Variants in SP2 observed in about 807,000 individuals in gnomAD.
The protein encoded by SP2 is Sp2 transcription factor.
A neutral mutation model predicts 50.1 loss-of-function variants in SP2; 9 were observed. The observed-to-expected ratio is 0.18, with a 90% CI of 0.11 to 0.31. The LOEUF (loss-of-function observed/expected upper bound fraction) is 0.31. Ranked by LOEUF, SP2 falls within the 10% of genes least tolerant of loss-of-function variation. The pLI is 1.00. For missense variants in SP2, 581 were observed against 806.5 expected (o/e 0.72, Z 3.39); for synonymous variants, 313 against 326.6 (o/e 0.96, Z 0.45).
At position 47,927,699 on chromosome 17, in the gene SP2, G is replaced by C. The variant is rs370449186; in HGVS notation, c.1742-25G>C. On this transcript the variant is annotated intron_variant, in intron 6 of 6. Transcript: ENST00000376741. Reference sequence around the variant, plus strand: ...ACAGGGTCTGTGCACAGGGTCTGTGGGTGATGGGCATCTCCTCTTCCCAGG... The same window carrying C: ...ACAGGGTCTGTGCACAGGGTCTGTGCGTGATGGGCATCTCCTCTTCCCAGG... 5.6e-5 allele frequency: 85 copies of C among 1,509,510 alleles called. 1 individual carries two copies. In the African/African-American group the frequency reaches 1.0e-3, roughly 18 times the overall value. 93.5% of individuals were successfully genotyped at this position (1,509,510 alleles called of 1,614,324 possible).
chr17:47,923,026 C>T lies in SP2; in HGVS notation c.1124C>T (p.Thr375Ile), dbSNP rs1454541832. The T allele has an allele frequency of 6.2e-7, 1 of 1,614,208 alleles. No individual in the cohort carries two copies. The highest frequency in any genetic ancestry group is 1.1e-5 in the South Asian group (1 of 91,086). ...TVLVQDSPPA[T>I]AAATSNTTCS... Reference sequence around the variant, plus strand: ...CTTGTCCAGGACAGCCCCCCAGCAACAGCTGCAGCCACCTCTAACACCACC... The same window carrying T: ...CTTGTCCAGGACAGCCCCCCAGCAATAGCTGCAGCCACCTCTAACACCACC... Residue 375 changes from threonine to isoleucine, a missense_variant, in exon 4 of 7, where the codon ACA becomes ATA. Physicochemically the swap from Thr to Ile is moderately conservative, Grantham distance 89. Around this residue, in one of 2 missense-constraint regions of SP2, gnomAD observed 397 missense variants for 491.0 expected, o/e 0.81. Transcript: ENST00000376741.
chr17:47,915,424 C>T (rs766802440), intron 2 of SP2, 36 bp downstream of exon 2: 2 of 1,446,222 alleles, frequency 1.4e-6, no homozygotes, highest in Admixed American at 1.7e-5. Context: ...CTTGGGGCTG[C>T]AGCATCCTGG....
Position 47,925,559 on chromosome 17 carries a change from G to C in SP2, c.1741+18G>C. 6.2e-7 allele frequency: 1 copy of C among 1,603,292 alleles called. No homozygotes were observed. The highest frequency in any genetic ancestry group is 8.5e-7 in the Non-Finnish European group (1 of 1,172,586). ...CCACACAGGTCAGCCCCCTGCCTTC[G>C]GGACCCTCCACCCACAGAGGTCAAA... On this transcript the variant is annotated intron_variant, in intron 6 of 6. Transcript: ENST00000376741.
intron 1 of SP2, among the ~76,000 whole-genome samples, chr17:47,904,009 T>C (rs1338548636): frequency 1.3e-4 from 19 of 149,574 alleles, no homozygotes; most frequent in African/African-American, 4.7e-4. Context: ...ATGCCTGTAA[T>C]CCTAGCACTT....
chr17:47,901,730 A>G, intron 1 of SP2, among the ~76,000 whole-genome samples: 1 of 152,130 alleles, frequency 6.6e-6, no homozygotes, highest in East Asian at 1.9e-4. Context: ...TGGGTCAGCT[A>G]AACCCAGCTG....
intron 1 of SP2, among the ~76,000 whole-genome samples, chr17:47,906,527 G>T (rs548174676): frequency 6.6e-6 from 1 of 152,326 alleles, no homozygotes; most frequent in East Asian, 1.9e-4. Context: ...GTCCAGAAAG[G>T]CCTCTCTGAG....
intron 6 of SP2, 98 bp from the exon 7 acceptor site, chr17:47,927,626 C>A: frequency 1.4e-6 from 1 of 707,888 alleles, no homozygotes; most frequent in Non-Finnish European, 2.5e-6. Flanking sequence ...AAGGCCATGT[C>A]AGCTTGATTG....
Position 47,898,498 on chromosome 17 carries a change from C to T in SP2, c.7+2205C>T, listed in dbSNP as rs993704531. The T allele has an allele frequency of 3.9e-5, 6 of 152,324 alleles. No homozygotes were observed. The South Asian group carries it at 6.2e-4, about 16-fold the overall frequency. The allele number at this position is 152,324 out of a possible 1,614,324, so 9.4% of individuals were successfully genotyped here. A position where few individuals can be genotyped will look rare whatever the true frequency, so the allele number is the denominator to read the frequency against. On this transcript the variant is annotated intron_variant, in intron 1 of 6. Coordinates refer to ENST00000376741, the MANE Select transcript of SP2 (RefSeq NM_003110.6). ...GACATTTTAAACTTGTTGCAGCCAA[C>T]CAGTAGACCTTAGTATTGGCTTGGT...
chr17:47,925,568 C>T, intron 6 of SP2, 27 bp downstream of exon 6: 1 of 1,592,698 alleles, frequency 6.3e-7, no homozygotes, highest in Non-Finnish European at 8.6e-7. Flanking sequence ...CGGGACCCTC[C>T]ACCCACAGAG....
At position 47,928,096 on chromosome 17, in the gene SP2, GC is replaced by G. The variant is rs2035721156; in HGVS notation, c.*273del. ...CCAATGAGACGTTCTAAACCAGGACGCGTGGGAACCCTTATTTCCAAAGGAA... is the reference window on the plus strand; with the variant it reads ...CCAATGAGACGTTCTAAACCAGGACGGTGGGAACCCTTATTTCCAAAGGAA... On this transcript the variant is annotated 3_prime_UTR_variant, in exon 7 of 7. Coordinates refer to ENST00000376741, the MANE Select transcript of SP2 (RefSeq NM_003110.6). 1 of 390,112 alleles carries G rather than the reference GC, an allele frequency of 2.6e-6. No homozygotes were observed. Among genetic ancestry groups the G allele is most frequent in the Non-Finnish European group, 4.7e-6 (1 of 212,668 alleles). 24.2% of individuals were successfully genotyped at this position (390,112 alleles called of 1,614,324 possible). A position where few individuals can be genotyped will look rare whatever the true frequency, so the allele number is the denominator to read the frequency against.
At chr17:47,924,213 G>A (rs947475473) in intron 4 of SP2, among the ~76,000 whole-genome samples, 5 of 151,942 alleles carry the variant, frequency 3.3e-5, no homozygotes, top group African/African-American at 4.8e-5. Context: ...TCATGACAAT[G>A]CAGCCTCAGC....
intron 3 of SP2, among the ~76,000 whole-genome samples, chr17:47,921,767 G>C (rs2035466913): frequency 6.6e-6 from 1 of 152,216 alleles, no homozygotes; most frequent in Non-Finnish European, 1.5e-5. Flanking sequence ...TCTCCAAGGA[G>C]CCTGGGTTCC....
intron 1 of SP2, chr17:47,898,500 A>G (rs910592720): frequency 3.9e-5 from 6 of 152,368 alleles, no homozygotes; most frequent in African/African-American, 7.2e-5. Flanking sequence ...GCAGCCAACC[A>G]GTAGACCTTA....
chr17:47,912,244 T>C (rs1230228498), intron 1 of SP2, among the ~76,000 whole-genome samples: 1 of 152,198 alleles, frequency 6.6e-6, no homozygotes, highest in African/African-American at 2.4e-5. Flanking sequence ...AATCAGTGCC[T>C]GTAATATTAC....
chr17:47,908,458 C>G (rs532730953), intron 1 of SP2: 1 of 152,314 alleles, frequency 6.6e-6, no homozygotes, highest in Admixed American at 6.5e-5. Flanking sequence ...CTGCCAGCAA[C>G]AAACTCATCT....
At chr17:47,896,316 G>A in intron 1 of SP2, 23 bp downstream of exon 1, 1 of 1,236,700 alleles carries the variant, frequency 8.1e-7, no homozygotes, top group Non-Finnish European at 1.0e-6. Context: ...CGCTGCCGGC[G>A]GGGTCTTCCC....
At chr17:47,929,792 T>C (rs2035783249), downstream of SP2, 1 of 152,670 alleles carries the variant, frequency 6.6e-6, no homozygotes, top group South Asian at 2.1e-4. Flanking sequence ...GCCTCAAGCA[T>C]GTAAAGGACA....
chr17:47,921,202 C>G (rs1212444624), intron 3 of SP2, among the ~76,000 whole-genome samples: 1 of 152,146 alleles, frequency 6.6e-6, no homozygotes, highest in African/African-American at 2.4e-5. Flanking sequence ...CTGTCATTGT[C>G]TTCCTCCCCC....
At chr17:47,921,298 G>T (rs2035447588) in intron 3 of SP2, among the ~76,000 whole-genome samples, 1 of 152,102 alleles carries the variant, frequency 6.6e-6, no homozygotes, top group Admixed American at 6.6e-5. Context: ...ACCCAGGCTG[G>T]AGTGCAGTGG....
Sources: gnomAD v4.1 joint callset for allele counts (sites outside exome capture counted in the v4.1 genomes callset) on GRCh38, gnomAD v4.1.1 for gene constraint, gnomAD v4.1.1 regional missense constraint, MANE v1.5 for transcripts, NCBI Gene and HGNC (gene_info 2026-07-23, HGNC 2026-07-21) for gene names.